Variants in MED27 observed in about 807,000 individuals in gnomAD.
MED27 encodes the protein mediator complex subunit 27, also known as mediator of RNA polymerase II transcription subunit 27.
In MED27, 30 loss-of-function variants were observed where a neutral mutation model predicts 38.2. That is an observed-to-expected ratio of 0.79 (90% CI 0.59 to 1.07). The LOEUF is 1.07. Among genes scored for constraint, MED27 ranks in the 50% least tolerant of loss-of-function variants. The probability of loss-of-function intolerance (pLI) is 0.00; values close to 1 mark genes in which losing one functional copy is unlikely to be tolerated. For synonymous variants in MED27, 122 were observed against 153.5 expected (o/e 0.79, Z 1.52); for missense variants, 289 against 397.5 (o/e 0.73, Z 2.32).
At chr9:131,974,499 T>C (rs1025106572) in intron 3 of MED27, among the ~76,000 whole-genome samples, 1 of 152,216 alleles carries the variant, frequency 6.6e-6, no homozygotes, top group Non-Finnish European at 1.5e-5. Flanking sequence ...ACTATGTAGA[T>C]AGTGTTTTCA....
chr9:132,051,903 C>A lies in MED27; in HGVS notation c.348+25539G>T, dbSNP rs753840193. On this transcript the variant is annotated intron_variant, in intron 2 of 7. Transcript: ENST00000292035. This position sits in a 1 kb window ranked among gnomAD's most constrained non-coding sequence, Gnocchi z 4.2. ...TGCCAAAACAGGTCCCTTTCCTTGCCATTTTAACTACGATGAGAAAGTTTA... is the reference window on the plus strand; with the variant it reads ...TGCCAAAACAGGTCCCTTTCCTTGCAATTTTAACTACGATGAGAAAGTTTA... Among the ~76,000 whole-genome samples the A allele has an allele frequency of 6.6e-6, 1 of 152,084 alleles. No individual in the cohort carries two copies. The highest frequency in any genetic ancestry group is 1.5e-5 in the Non-Finnish European group (1 of 68,012).
chr9:131,891,294 G>A (rs1839225131), intron 5 of MED27, among the ~76,000 whole-genome samples: 1 of 152,260 alleles, frequency 6.6e-6, no homozygotes, highest in South Asian at 2.1e-4. Flanking sequence ...GGTGTGTGTA[G>A]AGAATGATGC....
At chr9:131,907,786 C>T (rs1292263158) in intron 4 of MED27, among the ~76,000 whole-genome samples, 3 of 151,588 alleles carry the variant, frequency 2.0e-5, no homozygotes, top group East Asian at 2.0e-4. Context: ...CGCCTCTTCC[C>T]GGCCGCCATC....
At chr9:131,939,287 C>A in intron 4 of MED27, 94 bp downstream of exon 4, 1 of 657,082 alleles carries the variant, frequency 1.5e-6, no homozygotes, top group Non-Finnish European at 2.4e-6. Context: ...ATTTAATCCC[C>A]ATTCTCTAGA....
chr9:131,944,378 A>T (rs769183534), intron 3 of MED27, among the ~76,000 whole-genome samples: 1 of 152,012 alleles, frequency 6.6e-6, no homozygotes, highest in East Asian at 1.9e-4. Flanking sequence ...TTTCAAATCC[A>T]CTTACTAGTA....
At chr9:132,058,541 G>A (rs1833630293) in intron 2 of MED27, among the ~76,000 whole-genome samples, 1 of 152,212 alleles carries the variant, frequency 6.6e-6, no homozygotes, top group Non-Finnish European at 1.5e-5. Flanking sequence ...GCCATGTGAA[G>A]AAGGACATGT....
chr9:132,038,120 CTCATTCAT>C (rs147264332), intron 2 of MED27, among the ~76,000 whole-genome samples: 29 of 151,572 alleles, frequency 1.9e-4, no homozygotes, highest in African/African-American at 5.8e-4. Context: ...AGGCTACACT[CTCATTCAT>C]TCATTCATTC....
Position 131,987,361 on chromosome 9 carries a change from C to T in MED27, c.479+26976G>A, listed in dbSNP as rs1831877237. Among the ~76,000 whole-genome samples the T allele has an allele frequency of 2.0e-5, 3 of 152,204 alleles. No individual in the cohort carries two copies. The South Asian group carries it at 6.2e-4, about 32-fold the overall frequency. Reference sequence around the variant, plus strand: ...CTGTAGATGTGGAGATGAGAAGGGTCAGAAGTCTCATGCGATGTGGTGTGT... The same window carrying T: ...CTGTAGATGTGGAGATGAGAAGGGTTAGAAGTCTCATGCGATGTGGTGTGT... On this transcript the variant is annotated intron_variant, in intron 3 of 7. Coordinates refer to ENST00000292035, the MANE Select transcript of MED27 (RefSeq NM_004269.4).
chr9:132,007,475 A>C (rs1192263451), intron 3 of MED27, among the ~76,000 whole-genome samples: 2 of 152,234 alleles, frequency 1.3e-5, no homozygotes, highest in Non-Finnish European at 2.9e-5. Flanking sequence ...GACTCCACTT[A>C]TACAGAAGTT....
intron 3 of MED27, among the ~76,000 whole-genome samples, chr9:131,995,798 C>G (rs1384786085): frequency 6.6e-6 from 1 of 152,168 alleles, no homozygotes; most frequent in Non-Finnish European, 1.5e-5. Flanking sequence ...GGAGACACTA[C>G]TCAGCAAAGA....
chr9:131,976,181 G>A (rs907563995), intron 3 of MED27, among the ~76,000 whole-genome samples: 12 of 152,130 alleles, frequency 7.9e-5, no homozygotes, highest in Admixed American at 6.5e-4. Flanking sequence ...CTCGGGACTT[G>A]CTTAATCCAA....
intron 4 of MED27, among the ~76,000 whole-genome samples, chr9:131,912,977 A>T (rs985401890): frequency 6.6e-6 from 1 of 152,212 alleles, no homozygotes; most frequent in Non-Finnish European, 1.5e-5. Context: ...GAAACTATAA[A>T]ATCCTCTCTC....
chr9:131,987,423 G>A (rs761462949), intron 3 of MED27, among the ~76,000 whole-genome samples: 14 of 152,096 alleles, frequency 9.2e-5, no homozygotes, highest in Non-Finnish European at 1.9e-4. Context: ...TACTCAATGC[G>A]GGGAGGGGGA....
chr9:132,006,649 A>G (rs76202306), intron 3 of MED27, among the ~76,000 whole-genome samples: 78 of 147,374 alleles, frequency 5.3e-4, no homozygotes, highest in Non-Finnish European at 1.2e-4. Flanking sequence ...ATGGCAGAGG[A>G]AAAAAAAAAA....
chr9:132,044,289 G>A (rs916498095), intron 2 of MED27, among the ~76,000 whole-genome samples: 2 of 152,186 alleles, frequency 1.3e-5, no homozygotes, highest in Non-Finnish European at 2.9e-5. Flanking sequence ...TAATGCATAC[G>A]TCATGGAGTT....
At chr9:131,910,436 G>C (rs931399988) in intron 4 of MED27, among the ~76,000 whole-genome samples, 2 of 152,128 alleles carry the variant, frequency 1.3e-5, no homozygotes, top group African/African-American at 4.8e-5. Flanking sequence ...GTAACATCAA[G>C]GAACAGCAGC....
chr9:132,056,933 T>C (rs1189593939), intron 2 of MED27, among the ~76,000 whole-genome samples: 2 of 152,190 alleles, frequency 1.3e-5, no homozygotes, highest in Non-Finnish European at 2.9e-5. Context: ...GAGGCCATCG[T>C]GCCCTGACAA....
chr9:132,047,794 T>C (rs770070129), intron 2 of MED27, among the ~76,000 whole-genome samples: 14 of 152,146 alleles, frequency 9.2e-5, no homozygotes, highest in Non-Finnish European at 2.1e-4. Flanking sequence ...ATCATAAAAA[T>C]TCGTAAGCTA....
At chr9:132,058,149 T>C (rs566842573) in intron 2 of MED27, among the ~76,000 whole-genome samples, 1 of 152,312 alleles carries the variant, frequency 6.6e-6, no homozygotes, top group Admixed American at 6.5e-5. Context: ...CATCTGAAAG[T>C]CACACATAAA....
Sources: gnomAD v4.1 joint callset for allele counts (sites outside exome capture counted in the v4.1 genomes callset) on GRCh38, gnomAD v4.1.1 for gene constraint, Gnocchi (gnomAD v3.1) non-coding constraint, MANE v1.5 for transcripts, NCBI Gene and HGNC (gene_info 2026-07-23, HGNC 2026-07-21) for gene names.